The following PCBP3 variants were observed in gnomAD, a reference collection of about 807,000 sequenced individuals.
PCBP3 encodes poly(rC)-binding protein 3.
Under a neutral mutation model 52.7 loss-of-function variants are expected in PCBP3, and 25 were observed. The observed-to-expected ratio is 0.47, with a 90% CI of 0.35 to 0.66. PCBP3 has a LOEUF of 0.66. Ranked by LOEUF, PCBP3 falls within the 30% of genes least tolerant of loss-of-function variation. PCBP3 has a pLI of 0.01. For missense variants in PCBP3, 391 were observed against 490.3 expected (o/e 0.80, Z 1.91); for synonymous variants, 162 against 183.0 (o/e 0.89, Z 0.93).
chr21:45,767,178 A>G (rs2089421438), intron 4 of PCBP3, among the ~76,000 whole-genome samples: 1 of 151,330 alleles, frequency 6.6e-6, no homozygotes, highest in African/African-American at 2.4e-5. Context: ...TCACCCCCCC[A>G]AAGTAAAGCC....
intron 2 of PCBP3, among the ~76,000 whole-genome samples, chr21:45,697,369 G>A (rs1207120660): frequency 1.3e-5 from 2 of 152,136 alleles, no homozygotes; most frequent in African/African-American, 4.8e-5. Context: ...TTATGCTCCA[G>A]CACAAACTTG....
chr21:45,920,969 C>T (rs1193389512), intron 13 of PCBP3, among the ~76,000 whole-genome samples: 1 of 152,188 alleles, frequency 6.6e-6, no homozygotes, highest in Non-Finnish European at 1.5e-5. Context: ...CTGTGGAAGA[C>T]ATTCTGTTTC....
chr21:45,694,368 A>G (rs1174678142), intron 2 of PCBP3, among the ~76,000 whole-genome samples: 1 of 152,178 alleles, frequency 6.6e-6, no homozygotes, highest in East Asian at 1.9e-4. Context: ...GGTTGAAAGT[A>G]GACGAGAAAA....
intron 4 of PCBP3, among the ~76,000 whole-genome samples, chr21:45,797,334 T>G (rs547783290): frequency 4.8e-4 from 70 of 144,800 alleles, no homozygotes; most frequent in Non-Finnish European, 9.5e-4. Flanking sequence ...ATAGAGAGAG[T>G]GAATGCATGG....
chr21:45,782,515 G>A (rs1480366816), intron 4 of PCBP3, among the ~76,000 whole-genome samples: 2 of 152,220 alleles, frequency 1.3e-5, no homozygotes, highest in Non-Finnish European at 2.9e-5. Flanking sequence ...CAGAAAAAAG[G>A]ATGGAGTCAT....
chr21:45,751,826 G>C (rs376053806), intron 3 of PCBP3, among the ~76,000 whole-genome samples: 4 of 152,208 alleles, frequency 2.6e-5, no homozygotes, highest in East Asian at 3.8e-4. Context: ...TTTTGCTAAA[G>C]TGATGCCTGA....
chr21:45,814,823 GGTGA>G (rs1294618366), intron 4 of PCBP3, among the ~76,000 whole-genome samples: 1 of 132,328 alleles, frequency 7.6e-6, no homozygotes, highest in African/African-American at 3.0e-5. Context: ...AGTGGTGAGT[GGTGA>G]GTGAGTGGTG....
intron 2 of PCBP3, among the ~76,000 whole-genome samples, chr21:45,694,699 T>A (rs1347515663): frequency 6.6e-6 from 1 of 152,172 alleles, no homozygotes; most frequent in Non-Finnish European, 1.5e-5. Context: ...TAAAGACCAC[T>A]CAATTATATT....
At chr21:45,887,716 C>T (rs975807626) in intron 5 of PCBP3, among the ~76,000 whole-genome samples, 7 of 152,234 alleles carry the variant, frequency 4.6e-5, no homozygotes, top group Non-Finnish European at 8.8e-5. Flanking sequence ...GAGATTTCTG[C>T]AAACGTAATT....
chr21:45,774,033 A>C (rs79088072), intron 4 of PCBP3, among the ~76,000 whole-genome samples: 1,742 of 152,250 alleles, frequency 0.011, 49 homozygotes, highest in African/African-American at 0.039. Flanking sequence ...CTAGATCACT[A>C]TTGGTGTGTG....
rs1368500952 is a variant in PCBP3, at chr21:45,918,519, A to AC, written c.717+891dup. On this transcript the variant is annotated intron_variant, in intron 13 of 17. Coordinates refer to ENST00000681687, the MANE Select transcript of PCBP3 (RefSeq NM_001384156.1). ...GGGGGAAGAAGTTACTCTCAGATAA[A>AC]CGGTCGGTGTAATTCCAGTGCTGGG... is the stretch of plus-strand genomic sequence containing the variant. 6.4e-5 allele frequency: 4 copies of AC among 62,714 alleles called. No homozygotes were observed. The East Asian group carries it at 1.0e-3, about 16-fold the overall frequency. The allele number at this position is 62,714 out of a possible 1,614,324, so 3.9% of individuals were successfully genotyped here. A position where few individuals can be genotyped will look rare whatever the true frequency, so the allele number is the denominator to read the frequency against.
chr21:45,680,664 T>C (rs2081780637), intron 2 of PCBP3, among the ~76,000 whole-genome samples: 1 of 152,194 alleles, frequency 6.6e-6, no homozygotes, highest in Non-Finnish European at 1.5e-5. Flanking sequence ...TAGTTTATCT[T>C]TTCTGATCTC....
At position 45,941,542 on chromosome 21, in the gene PCBP3, C is replaced by T. The variant is rs2149626461; in HGVS notation, c.1080-128C>T. On this transcript the variant is annotated intron_variant, in intron 17 of 17. Coordinates refer to ENST00000681687, the MANE Select transcript of PCBP3 (RefSeq NM_001384156.1). The stretch of plus-strand genomic sequence containing the variant: ...CTCTGCTGTGGTCTCCAGCTCAGGA[C>T]CTCCTGAGCTGACCGGGATGGCCTG... 1.2e-5 allele frequency: 9 copies of T among 738,768 alleles called. No individual in the cohort carries two copies. In the South Asian group the frequency reaches 1.5e-4, roughly 12 times the overall value. 45.8% of individuals were successfully genotyped at this position (738,768 alleles called of 1,614,324 possible).
At chr21:45,780,489 C>T (rs969770772) in intron 4 of PCBP3, among the ~76,000 whole-genome samples, 7 of 152,182 alleles carry the variant, frequency 4.6e-5, no homozygotes, top group East Asian at 1.9e-4. Flanking sequence ...CAACCTGTGA[C>T]GAGGTGTCCC....
At chr21:45,683,861 G>A (rs1400072065) in intron 2 of PCBP3, among the ~76,000 whole-genome samples, 1 of 151,830 alleles carries the variant, frequency 6.6e-6, no homozygotes. Context: ...GGGAGGCAGA[G>A]CTTGCAGTGA....
chr21:45,674,928 C>A (rs2081374706), intron 2 of PCBP3, among the ~76,000 whole-genome samples: 2 of 152,268 alleles, frequency 1.3e-5, no homozygotes, highest in Non-Finnish European at 1.5e-5. Flanking sequence ...GGGCCTCTTT[C>A]TCTTGGACAT....
At chr21:45,766,420 G>A (rs2089327315) in intron 4 of PCBP3, among the ~76,000 whole-genome samples, 1 of 152,222 alleles carries the variant, frequency 6.6e-6, no homozygotes, top group Non-Finnish European at 1.5e-5. Flanking sequence ...AGAGGAGGAA[G>A]GGATGCGAGA....
rs745358432 is a variant in PCBP3, at chr21:45,928,952, C to T, written c.718-965C>T. ...CCAGGACACCCTCTGCAGCACCCAG[C>T]CTTGACAGCCCCACTGGAGGCCTGT... is the stretch of plus-strand genomic sequence containing the variant. On this transcript the variant is annotated intron_variant, in intron 13 of 17. Coordinates refer to ENST00000681687, the MANE Select transcript of PCBP3 (RefSeq NM_001384156.1). This position sits in a 1 kb window ranked among gnomAD's most constrained non-coding sequence, Gnocchi z 4.1. 1.8e-4 allele frequency among the ~76,000 whole-genome samples: 27 copies of T among 152,178 alleles called. 1 individual carries two copies. The highest frequency in any genetic ancestry group is 1.5e-4 in the Non-Finnish European group (10 of 68,030).
intron 5 of PCBP3, among the ~76,000 whole-genome samples, chr21:45,892,017 G>A (rs1273957052): frequency 6.6e-6 from 1 of 152,206 alleles, no homozygotes; most frequent in African/African-American, 2.4e-5. Flanking sequence ...ATGTAAGGGG[G>A]GTTTATTCAA....
Sources: gnomAD v4.1 joint callset for allele counts (sites outside exome capture counted in the v4.1 genomes callset) on GRCh38, gnomAD v4.1.1 for gene constraint, Gnocchi (gnomAD v3.1) non-coding constraint, MANE v1.5 for transcripts, NCBI Gene and HGNC (gene_info 2026-07-23, HGNC 2026-07-21) for gene names.